Variants in SNRPN observed in about 807,000 individuals in gnomAD.
SNRPN encodes small nuclear ribonucleoprotein-associated protein N.
SNRPN carries 7 observed loss-of-function variants against 25.2 expected under a neutral mutation model. The ratio of observed to expected loss-of-function variants is 0.28; its 90% CI spans 0.16 to 0.52. The LOEUF is 0.52. Ranked by LOEUF, SNRPN falls within the 20% of genes least tolerant of loss-of-function variation. The pLI is 0.96. For synonymous variants in SNRPN, 124 were observed against 110.6 expected (o/e 1.12, Z -0.76); for missense variants, 196 against 322.5 (o/e 0.61, Z 3.00).
At chr15:24,861,566 T>C (rs1011802938) in intron 1 of SNRPN, among the ~76,000 whole-genome samples, 3 of 152,190 alleles carry the variant, frequency 2.0e-5, no homozygotes, top group African/African-American at 7.2e-5. Context: ...TTAGAAACAC[T>C]GTAAACTAAG....
upstream of SNRPN, among the ~76,000 whole-genome samples, chr15:24,853,272 A>T (rs550236967): frequency 5.1e-4 from 77 of 152,332 alleles, no homozygotes; most frequent in African/African-American, 1.8e-3. Flanking sequence ...TTGATTCTGG[A>T]ATCCCATCCA....
chr15:24,876,053 C>A (rs1347564360), intron 1 of SNRPN, among the ~76,000 whole-genome samples: 88 of 140,262 alleles, frequency 6.3e-4, no homozygotes, highest in African/African-American at 7.0e-4. Context: ...TACTTTGTCT[C>A]AAAAAAAAAA....
intron 2 of SNRPN, among the ~76,000 whole-genome samples, chr15:24,964,264 A>G (rs1387183552): frequency 6.6e-6 from 1 of 152,152 alleles, no homozygotes; most frequent in African/African-American, 2.4e-5. Context: ...TGTCCTTTAT[A>G]TATAATAGGT....
At chr15:24,881,321 G>T (rs878901406) in intron 1 of SNRPN, among the ~76,000 whole-genome samples, 1 of 151,236 alleles carries the variant, frequency 6.6e-6, no homozygotes, top group Non-Finnish European at 1.5e-5. Context: ...TCAGGAGTTC[G>T]AGACCAGCCT....
At chr15:24,847,254 T>C (rs1250962626) in intron 2 of SNRPN, among the ~76,000 whole-genome samples, 9 of 151,978 alleles carry the variant, frequency 5.9e-5, no homozygotes, top group Non-Finnish European at 1.5e-5. Context: ...GGGAGGCCCA[T>C]GGCAAACTTA....
chr15:24,893,357 C>G (rs2057833322), intron 2 of SNRPN, among the ~76,000 whole-genome samples: 1 of 152,192 alleles, frequency 6.6e-6, no homozygotes. Flanking sequence ...TGGCTCATGC[C>G]TGTAATCCCA....
At chr15:24,889,535 G>T (rs1468792506) in intron 2 of SNRPN, among the ~76,000 whole-genome samples, 1 of 150,602 alleles carries the variant, frequency 6.6e-6, no homozygotes, top group Non-Finnish European at 1.5e-5. Context: ...TTGATCTCCT[G>T]ACCTCGTGAT....
chr15:24,844,424 G>A (rs1194909084), intron 2 of SNRPN, among the ~76,000 whole-genome samples: 1 of 152,096 alleles, frequency 6.6e-6, no homozygotes, highest in African/African-American at 2.4e-5. Flanking sequence ...GTTAAGTACC[G>A]AAAATATTTT....
upstream of SNRPN, chr15:24,954,785 A>G (rs541056603): frequency 3.6e-5 from 20 of 559,780 alleles, no homozygotes; most frequent in East Asian, 2.9e-4. Flanking sequence ...TATGGTTTCT[A>G]GAGGCCCCCT....
chr15:24,969,783 G>A (rs914061042), intron 3 of SNRPN, among the ~76,000 whole-genome samples: 2 of 152,100 alleles, frequency 1.3e-5, no homozygotes, highest in African/African-American at 4.8e-5. Context: ...CCCATTACTA[G>A]TATTCCTGTA....
chr15:24,923,961 C>T (rs1324656488), intron 3 of SNRPN, among the ~76,000 whole-genome samples: 1 of 119,358 alleles, frequency 8.4e-6, no homozygotes, highest in East Asian at 2.7e-4. Context: ...GATGGAGTCT[C>T]ACTCTGTCAC....
Position 24,955,046 on chromosome 15 carries a change from G to A in SNRPN, c.-407G>A. 6.2e-7 allele frequency: 1 copy of A among 1,613,320 alleles called. No homozygotes were observed. Among genetic ancestry groups the A allele is most frequent in the Non-Finnish European group, 8.5e-7 (1 of 1,180,010 alleles). ...ATCTGTCTGAGGAGCGGTCAGTGAC[G>A]CGATGGAGCGGGCAAGGTCAGCTGT... On this transcript the variant is annotated 5_prime_UTR_variant, in exon 1 of 10. Coordinates refer to ENST00000390687, the MANE Select transcript of SNRPN (RefSeq NM_003097.6).
intron 2 of SNRPN, among the ~76,000 whole-genome samples, chr15:24,911,597 G>A (rs1164661300): frequency 6.6e-6 from 1 of 152,192 alleles, no homozygotes; most frequent in Non-Finnish European, 1.5e-5. Context: ...GAAAACACAA[G>A]TAGTAAAACA....
chr15:24,825,171 G>A (rs1194994126), intron 1 of SNRPN, among the ~76,000 whole-genome samples: 1 of 151,938 alleles, frequency 6.6e-6, no homozygotes, highest in African/African-American at 2.4e-5. Context: ...GGCACTCGGG[G>A]TTTCAATACC....
chr15:24,829,305 G>T (rs765518555), intron 1 of SNRPN, among the ~76,000 whole-genome samples: 5 of 152,112 alleles, frequency 3.3e-5, no homozygotes, highest in Non-Finnish European at 7.3e-5. Context: ...GCCTGGACTG[G>T]GTGGGCAAGG....
In SNRPN at chr15:24,866,696, C is replaced by T. The variant is rs565646197; in HGVS notation, c.-579+9980C>T. On this transcript the variant is annotated intron_variant, in intron 1 of 11. Transcript: ENST00000400097. ...TCCACAAAACTTCTGCCCAACCCCA[C>T]CCTCAACCCCAGGCTCTGGTAACTA... Among the ~76,000 whole-genome samples the T allele has an allele frequency of 3.3e-3, 496 of 152,296 alleles. 1 individual carries two copies. The highest frequency in any genetic ancestry group is 6.1e-3 in the Non-Finnish European group (412 of 68,018).
At chr15:24,925,341 T>A (rs1306254940) in intron 3 of SNRPN, among the ~76,000 whole-genome samples, 1 of 152,094 alleles carries the variant, frequency 6.6e-6, no homozygotes, top group Admixed American at 6.6e-5. Flanking sequence ...TGGCCAGGCA[T>A]GGTGGCTCAC....
chr15:24,944,276 C>A lies in SNRPN; in HGVS notation c.-390-17838C>A, dbSNP rs139441861. Among the ~76,000 whole-genome samples, 13 of 152,310 alleles carry A rather than the reference C, an allele frequency of 8.5e-5. No individual in the cohort carries two copies. In the East Asian group the frequency reaches 2.5e-3, roughly 29 times the overall value. ...TAGCACATGAGCTGGGTGTTTGAAT[C>A]CCTGAGCTAATTTTCCCCCTACTTT... On this transcript the variant is annotated intron_variant, in intron 3 of 11. Coordinates refer to the SNRPN transcript ENST00000400097.
intron 1 of SNRPN, chr15:24,823,882 G>A (rs1281669934): frequency 6.6e-6 from 1 of 152,096 alleles, no homozygotes; most frequent in Non-Finnish European, 1.5e-5. Context: ...AAACTTGCAT[G>A]CGATTGTCTT....
Sources: allele counts gnomAD v4.1 joint callset (sites outside exome capture counted in the v4.1 genomes callset), GRCh38; gene constraint gnomAD v4.1.1; transcripts MANE v1.5; gene names NCBI Gene and HGNC (gene_info 2026-07-23, HGNC 2026-07-21).